LTA4H: variants seen among roughly 807,000 people sequenced by gnomAD.
The protein encoded by LTA4H is leukotriene A4 hydrolase.
In LTA4H, 59 loss-of-function variants were observed where a neutral mutation model predicts 89.8. The observed-to-expected ratio is 0.66, with a 90% CI of 0.53 to 0.82. LTA4H has a LOEUF of 0.82. Among genes scored for constraint, LTA4H ranks in the 40% least tolerant of loss-of-function variants. The pLI, the probability that LTA4H is intolerant of heterozygous loss-of-function variation, is 0.00. For missense variants in LTA4H, 617 were observed against 727.0 expected, an observed-to-expected ratio of 0.85 and a Z score of 1.74; for synonymous variants, 227 against 253.1, an observed-to-expected ratio of 0.90 and a Z score of 0.98.
At chr12:96,035,618 G>A, upstream of LTA4H, 1 of 1,454,452 alleles carries the variant, frequency 6.9e-7, no homozygotes, top group Non-Finnish European at 9.1e-7. Context: ...AGGTAAAGAA[G>A]AGGAGGAGGG....
At chr12:96,021,502 G>A (rs1950451959) in intron 5 of LTA4H, among the ~76,000 whole-genome samples, 1 of 152,016 alleles carries the variant, frequency 6.6e-6, no homozygotes, top group Non-Finnish European at 1.5e-5. Context: ...CTTTTAAAAG[G>A]TTTTGGTTTT....
At position 96,035,412 on chromosome 12, in the gene LTA4H, G is replaced by A. The variant is rs748944321; in HGVS notation, c.108C>T (p.Thr36=). 1.2e-6 allele frequency: 2 copies of A among 1,611,044 alleles called. No homozygotes were observed. The highest frequency in any genetic ancestry group is 4.5e-5 in the East Asian group (2 of 44,706). ...ACTGGACCGTGAGAGCAGCAGTCCC[G>A]GTCAGCGTCCGGCGAGTAAAGTCGA... The part of the protein sequence containing the change: ...CSVDFTRRTL[T]GTAALTVQSQ... The change falls in exon 1 of 19, where the codon ACC becomes ACT. Residue 36 remains threonine (T), a synonymous_variant. Coordinates refer to ENST00000228740, the MANE Select transcript of LTA4H (RefSeq NM_000895.3).
chr12:96,029,207 A>T (rs1950545604), intron 1 of LTA4H, 22 bp from the exon 2 acceptor site: 1 of 1,371,842 alleles, frequency 7.3e-7, no homozygotes, highest in Admixed American at 2.1e-5. Flanking sequence ...ATTTTTAAAT[A>T]GTAAGAAAAT....
At chr12:96,031,407 C>T (rs939190423) in intron 1 of LTA4H, among the ~76,000 whole-genome samples, 1 of 152,048 alleles carries the variant, frequency 6.6e-6, no homozygotes, top group Non-Finnish European at 1.5e-5. Context: ...TTTAAAATTC[C>T]CCTTCAAATT....
intron 4 of LTA4H, among the ~76,000 whole-genome samples, chr12:96,023,953 G>A (rs1322297167): frequency 2.0e-5 from 3 of 150,448 alleles, no homozygotes; most frequent in Non-Finnish European, 3.0e-5. Context: ...TTTTTGAGAC[G>A]GAGTCTGGCT....
At chr12:96,027,156 C>T (rs1334513381) in intron 3 of LTA4H, among the ~76,000 whole-genome samples, 2 of 152,148 alleles carry the variant, frequency 1.3e-5, no homozygotes, top group African/African-American at 4.8e-5. Context: ...TGACTATTTA[C>T]TGAGTACCTA....
intron 1 of LTA4H, among the ~76,000 whole-genome samples, chr12:96,030,353 C>T (rs1160533990): frequency 6.6e-6 from 1 of 152,198 alleles, no homozygotes; most frequent in East Asian, 1.9e-4. Flanking sequence ...ATTAGTATCT[C>T]TGTGAAGATG....
chr12:96,014,793 C>T, intron 12 of LTA4H, 62 bp downstream of exon 12: 2 of 1,447,074 alleles, frequency 1.4e-6, no homozygotes, highest in Non-Finnish European at 1.9e-6. Flanking sequence ...GTTTACAATT[C>T]TTCCTAATTC....
rs1950425636 is a variant in LTA4H, at chr12:96,019,487, C to T, written c.639-247G>A. Among the ~76,000 whole-genome samples, 5 of 152,066 alleles carry T rather than the reference C, an allele frequency of 3.3e-5. No homozygotes were observed. In the South Asian group the frequency reaches 1.0e-3, roughly 32 times the overall value. ...GAAAAAAACCAAGACATAAGGTGTC[C>T]CCAATTAGTTTATTGCCTCTTGTAA... is the stretch of plus-strand genomic sequence containing the variant. On this transcript the variant is annotated intron_variant, in intron 6 of 18. Coordinates refer to ENST00000228740, the MANE Select transcript of LTA4H (RefSeq NM_000895.3).
At chr12:96,015,989 C>T (rs1051831891) in intron 10 of LTA4H, among the ~76,000 whole-genome samples, 7 of 152,198 alleles carry the variant, frequency 4.6e-5, no homozygotes, top group South Asian at 2.1e-4. Context: ...ACACTCCTAA[C>T]GCTGTAATAA....
chr12:96,020,339 G>C (rs1950439405), intron 6 of LTA4H, among the ~76,000 whole-genome samples: 1 of 152,066 alleles, frequency 6.6e-6, no homozygotes, highest in African/African-American at 2.4e-5. Context: ...AAACCTTAAG[G>C]GCATTATGAC....
At chr12:96,013,918 G>A (rs58211875) in intron 12 of LTA4H, 65 bp from the exon 13 acceptor site, 12,457 of 740,908 alleles carry the variant, frequency 0.017, 560 homozygotes, top group African/African-American at 0.13. Flanking sequence ...TTGTGTGCGT[G>A]TTTGGCATTG....
intron 5 of LTA4H, among the ~76,000 whole-genome samples, 193 bp from the exon 6 acceptor site, chr12:96,021,330 A>T (rs758159335): frequency 2.0e-5 from 3 of 152,212 alleles, no homozygotes. Flanking sequence ...GATATAAAAC[A>T]TTGTTCAAAA....
rs144907416 is a variant in LTA4H, at chr12:96,002,309, T to A, written c.1718+651A>T. Among the ~76,000 whole-genome samples, 604 of 152,356 alleles carry A rather than the reference T, an allele frequency of 4.0e-3. 2 individuals are homozygous for A. The highest frequency in any genetic ancestry group is 0.014 in the African/African-American group (577 of 41,576). On this transcript the variant is annotated intron_variant, in intron 18 of 18. Coordinates refer to ENST00000228740, the MANE Select transcript of LTA4H (RefSeq NM_000895.3). ...GATAATGACTTATTTTGCCAAGTTT[T>A]ATGATATTATATGGCCATCACTTTT...
In LTA4H at chr12:96,017,092, TGA is replaced by T. The variant is rs1950389615; in HGVS notation, c.897_898del (p.His300Ter). 2 of 1,606,822 alleles carry T rather than the reference TGA, an allele frequency of 1.2e-6. No individual in the cohort carries two copies. Among genetic ancestry groups the T allele is most frequent in the African/African-American group, 2.7e-5 (2 of 74,754 alleles). On this transcript the variant is annotated frameshift_variant, in exon 10 of 19. Coordinates refer to ENST00000228740, the MANE Select transcript of LTA4H (RefSeq NM_000895.3). LOFTEE classifies it high-confidence loss of function. ...GGTCACTAGATTCCCTGTCCAGCTATGAGATATTTCATGTGCAATGACCTAAA... is the reference window on the plus strand; with the variant it reads ...GGTCACTAGATTCCCTGTCCAGCTATGATATTTCATGTGCAATGACCTAAA...
chr12:96,025,957 C>T (rs1950509262), intron 3 of LTA4H, among the ~76,000 whole-genome samples: 1 of 152,082 alleles, frequency 6.6e-6, no homozygotes, highest in Admixed American at 6.6e-5. Flanking sequence ...CAAAGGAATT[C>T]TGATATTAAC....
intron 3 of LTA4H, 50 bp downstream of exon 3, chr12:96,027,394 A>G: frequency 6.5e-7 from 1 of 1,540,114 alleles, no homozygotes; most frequent in Non-Finnish European, 8.7e-7. Flanking sequence ...TCATTCAACC[A>G]TAGGTGCTGA....
At chr12:96,036,921 G>C (rs112637803), upstream of LTA4H, among the ~76,000 whole-genome samples, 144 of 152,274 alleles carry the variant, frequency 9.5e-4, 2 homozygotes, top group African/African-American at 3.2e-3. Context: ...GCCTCTACAT[G>C]GCCCGAGCAA....
At position 96,035,483 on chromosome 12, in the gene LTA4H, G is replaced by C. The variant is rs1950630737; in HGVS notation, c.37C>G (p.Pro13Ala). Residue 13 changes from proline to alanine, a missense_variant, in exon 1 of 19, where the codon CCG becomes GCG. Pro to Ala is a conservative substitution (Grantham distance 27). This residue lies in a region of LTA4H where 155 missense variants were observed against 143.3 expected (regional missense o/e 1.08). Coordinates refer to ENST00000228740, the MANE Select transcript of LTA4H (RefSeq NM_000895.3). ...TGCTTGGTCCGGCAGACGGAAGCCG[G>C]AGAGGCCAACGAACAGGTATCCACT... ...EIVDTCSLAS[P>A]ASVCRTKHLH... 1.2e-6 allele frequency: 2 copies of C among 1,608,958 alleles called. No homozygotes were observed. Among genetic ancestry groups the C allele is most frequent in the African/African-American group, 1.3e-5 (1 of 74,862 alleles).
Sources: gnomAD v4.1 joint callset for allele counts (sites outside exome capture counted in the v4.1 genomes callset) on GRCh38, gnomAD v4.1.1 for gene constraint, gnomAD v4.1.1 regional missense constraint, MANE v1.5 for transcripts, NCBI Gene and HGNC (gene_info 2026-07-23, HGNC 2026-07-21) for gene names.